The following DHRS7C variants were observed in gnomAD, a reference collection of about 807,000 sequenced individuals.
DHRS7C encodes dehydrogenase/reductase 7C.
A neutral mutation model predicts 29.6 loss-of-function variants in DHRS7C; 28 were observed. The observed-to-expected ratio is 0.95, with a 90% CI of 0.70 to 1.30. The LOEUF is 1.30. DHRS7C is among the 50% of genes most tolerant of loss of function. The probability of loss-of-function intolerance (pLI) is 0.00; values close to 1 mark genes in which losing one functional copy is unlikely to be tolerated. For synonymous variants in DHRS7C, 158 were observed against 160.2 expected, an observed-to-expected ratio of 0.99 and a Z score of 0.10; for missense variants, 403 against 393.3, an observed-to-expected ratio of 1.02 and a Z score of -0.21.
intron 4 of DHRS7C, among the ~76,000 whole-genome samples, chr17:9,773,158 G>T (rs2066341562): frequency 6.6e-6 from 1 of 152,130 alleles, no homozygotes; most frequent in African/African-American, 2.4e-5. Context: ...TGTGATTGTG[G>T]GCAAATCACT....
intron 3 of DHRS7C, among the ~76,000 whole-genome samples, chr17:9,778,630 A>C (rs891744109): frequency 3.3e-5 from 5 of 152,146 alleles, no homozygotes; most frequent in African/African-American, 1.2e-4. Flanking sequence ...GTCCACAGGG[A>C]CTGGACTGGA....
intron 5 of DHRS7C, 45 bp downstream of exon 5, chr17:9,772,722 G>A (rs2066337670): frequency 6.2e-7 from 1 of 1,605,862 alleles, no homozygotes; most frequent in Non-Finnish European, 8.5e-7. Context: ...ACACCGGACT[G>A]TTCCCGAGGC....
intron 1 of DHRS7C, among the ~76,000 whole-genome samples, chr17:9,789,994 T>C (rs1597932638): frequency 1.3e-5 from 2 of 152,180 alleles, no homozygotes; most frequent in East Asian, 3.9e-4. Flanking sequence ...TATGCTTTGT[T>C]TTTTATCTTA....
At chr17:9,784,652 C>T (rs1273600851) in intron 1 of DHRS7C, among the ~76,000 whole-genome samples, 2 of 152,064 alleles carry the variant, frequency 1.3e-5, no homozygotes, top group South Asian at 2.1e-4. Context: ...GATAAAGTTG[C>T]TAATAAAGAA....
rs540366042 is a variant in DHRS7C at position 9,773,495 on chromosome 17, A to G, written c.572-573T>C. Reference sequence around the variant, plus strand: ...AAAAAGGATCATTCCAGGAGTTCCAAAAAGAATAGAGTGGACATTGCTTAG... The same window carrying G: ...AAAAAGGATCATTCCAGGAGTTCCAGAAAGAATAGAGTGGACATTGCTTAG... On this transcript the variant is annotated intron_variant, in intron 4 of 5. Transcript: ENST00000571134. Among the ~76,000 whole-genome samples the G allele has an allele frequency of 7.2e-5, 11 of 152,224 alleles. No homozygotes were observed. The East Asian group carries it at 2.1e-3, about 29-fold the overall frequency.
Position 9,779,931 on chromosome 17 carries a change from G to A in DHRS7C, c.372C>T (p.Ile124=). The stretch of plus-strand genomic sequence containing the variant: ...CCTTCACCTTCACACTGGCATTGTT[G>A]ATGAGGATGTCCACACAGCCATAGC... The part of the protein sequence containing the change: ...LDCYGCVDIL[I]NNASVKVKGP... Residue 124 remains isoleucine (I), a synonymous_variant, in exon 3 of 6, where the codon ATC becomes ATT. Transcript: ENST00000571134. 6.2e-7 allele frequency: 1 copy of A among 1,613,942 alleles called. No homozygotes were observed. Among genetic ancestry groups the A allele is most frequent in the Non-Finnish European group, 8.5e-7 (1 of 1,179,872 alleles).
Position 9,776,472 on chromosome 17 carries a change from T to A in DHRS7C, c.571+721A>T, listed in dbSNP as rs532619029. On this transcript the variant is annotated intron_variant, in intron 4 of 5. Transcript: ENST00000571134. Reference sequence around the variant, plus strand: ...CAAATTCATATAGGAACCTACTATTTTTTTCCCTCCCTTCTTCCCTTCCAC... The same window carrying A: ...CAAATTCATATAGGAACCTACTATTATTTTCCCTCCCTTCTTCCCTTCCAC... Among the ~76,000 whole-genome samples the A allele has an allele frequency of 3.3e-5, 5 of 152,288 alleles. No individual in the cohort carries two copies. The East Asian group carries it at 7.7e-4, about 24-fold the overall frequency.
At chr17:9,790,745 A>G (rs972229722) in intron 1 of DHRS7C, among the ~76,000 whole-genome samples, 8 of 152,240 alleles carry the variant, frequency 5.3e-5, no homozygotes, top group African/African-American at 1.9e-4. Flanking sequence ...TGAAGTAACC[A>G]GCTAGTCATT....
chr17:9,779,747 G>T, intron 3 of DHRS7C, 78 bp downstream of exon 3: 3 of 1,416,282 alleles, frequency 2.1e-6, no homozygotes, highest in South Asian at 2.6e-5. Flanking sequence ...AGAATAGGAT[G>T]ACTGTCTGGC....
intron 3 of DHRS7C, among the ~76,000 whole-genome samples, chr17:9,777,752 G>T (rs935102069): frequency 5.3e-5 from 8 of 152,022 alleles, no homozygotes; most frequent in African/African-American, 1.9e-4. Flanking sequence ...GAAGAAGGAG[G>T]TCTCACAGTG....
intron 1 of DHRS7C, 111 bp from the exon 2 acceptor site, chr17:9,781,705 C>T: frequency 9.8e-7 from 1 of 1,015,982 alleles, no homozygotes; most frequent in Non-Finnish European, 1.5e-6. Context: ...GTCTTAGCAC[C>T]ACGAGGTCCT....
chr17:9,780,828 C>T (rs1284833528), intron 2 of DHRS7C, among the ~76,000 whole-genome samples: 1 of 152,232 alleles, frequency 6.6e-6, no homozygotes, highest in Non-Finnish European at 1.5e-5. Context: ...GTGTTTCTCA[C>T]ACAATTGACC....
rs563509798 is a variant in DHRS7C, at chr17:9,786,492, G to A, written c.154+4639C>T. The stretch of plus-strand genomic sequence containing the variant: ...CCTTGATTCATGCTCGCTCATGACT[G>A]GTTACTCACATAAGCATCCCCCTGA... On this transcript the variant is annotated intron_variant, in intron 1 of 5. Transcript: ENST00000571134. Among the ~76,000 whole-genome samples the A allele has an allele frequency of 7.2e-5, 11 of 151,814 alleles. No individual in the cohort carries two copies. In the South Asian group the frequency reaches 2.3e-3, roughly 32 times the overall value.
chr17:9,783,955 GTTT>G (rs375176596), intron 1 of DHRS7C, among the ~76,000 whole-genome samples: 49 of 137,578 alleles, frequency 3.6e-4, no homozygotes, highest in Non-Finnish European at 6.1e-4. Flanking sequence ...TTGTTTTTTT[GTTT>G]TTTTTTTTAA....
At position 9,777,102 on chromosome 17, in the gene DHRS7C, G is replaced by A. The variant is rs1286570267; in HGVS notation, c.571+91C>T. 3.9e-5 allele frequency: 42 copies of A among 1,073,414 alleles called. No homozygotes were observed. The South Asian group carries it at 5.3e-4, about 14-fold the overall frequency. 66.5% of individuals were successfully genotyped at this position (1,073,414 alleles called of 1,614,324 possible). A position where few individuals can be genotyped will look rare whatever the true frequency, so the allele number is the denominator to read the frequency against. ...GTCATCCTTGGACCCTTTCCCCTGT[G>A]ACCATCTGCCTAGTCTTAGACATAA... On this transcript the variant is annotated intron_variant, in intron 4 of 5. Coordinates refer to ENST00000571134, the MANE Select transcript of DHRS7C (RefSeq NM_001105571.3).
At chr17:9,788,799 G>A (rs968853817) in intron 1 of DHRS7C, among the ~76,000 whole-genome samples, 2 of 152,230 alleles carry the variant, frequency 1.3e-5, no homozygotes, top group Non-Finnish European at 2.9e-5. Context: ...ACTGCCGTCA[G>A]CAGCGTGGAG....
intron 4 of DHRS7C, among the ~76,000 whole-genome samples, chr17:9,773,560 C>T (rs931765001): frequency 1.3e-5 from 2 of 151,976 alleles, no homozygotes; most frequent in Non-Finnish European, 2.9e-5. Context: ...GTGTGATGCA[C>T]CCCAACTTCA....
chr17:9,781,932 C>G (rs765601067), intron 1 of DHRS7C, among the ~76,000 whole-genome samples: 1 of 152,228 alleles, frequency 6.6e-6, no homozygotes, highest in Non-Finnish European at 1.5e-5. Flanking sequence ...ATATCTCAAT[C>G]TAAAGATAAT....
intron 1 of DHRS7C, among the ~76,000 whole-genome samples, chr17:9,784,034 G>A (rs1244021703): frequency 1.2e-4 from 18 of 151,082 alleles, no homozygotes. Context: ...AATATACTAA[G>A]TAGTGAAATA....
Sources: gnomAD v4.1 joint callset for allele counts (sites outside exome capture counted in the v4.1 genomes callset) on GRCh38, gnomAD v4.1.1 for gene constraint, MANE v1.5 for transcripts, NCBI Gene and HGNC (gene_info 2026-07-23, HGNC 2026-07-21) for gene names.